ABHD6: variants seen among roughly 807,000 people sequenced by gnomAD.
ABHD6 encodes monoacylglycerol lipase ABHD6.
A neutral mutation model predicts 38.8 loss-of-function variants in ABHD6; 33 were observed. The ratio of observed to expected loss-of-function variants is 0.85; its 90% CI spans 0.64 to 1.14. The LOEUF (loss-of-function observed/expected upper bound fraction) is 1.14. ABHD6 is among the 50% of genes most tolerant of loss of function. The pLI is 0.00. For missense variants in ABHD6, 380 were observed against 422.6 expected, an observed-to-expected ratio of 0.90 and a Z score of 0.88; for synonymous variants, 147 against 161.6, an observed-to-expected ratio of 0.91 and a Z score of 0.69.
At chr3:58,289,256 T>C (rs1163668790) in intron 9 of ABHD6, among the ~76,000 whole-genome samples, 1 of 151,936 alleles carries the variant, frequency 6.6e-6, no homozygotes, top group East Asian at 1.9e-4. Flanking sequence ...TTTTTTTTAT[T>C]GATCATTCTT....
Position 58,267,428 on chromosome 3 carries a change from C to A in ABHD6, c.276+83C>A. Reference sequence around the variant, plus strand: ...GCCTATAATCCCAGCACTTTGGGAGCCTGAGGCAGGAGGATTGCTTGAGTC... The same window carrying A: ...GCCTATAATCCCAGCACTTTGGGAGACTGAGGCAGGAGGATTGCTTGAGTC... On this transcript the variant is annotated intron_variant, in intron 4 of 9. Transcript: ENST00000478253. The surrounding 1 kb of genome is among the most constrained non-coding windows in gnomAD (Gnocchi z 4.3). 6.5e-7 allele frequency: 1 copy of A among 1,533,652 alleles called. No homozygotes were observed. The highest frequency in any genetic ancestry group is 8.9e-7 in the Non-Finnish European group (1 of 1,121,788).
chr3:58,291,002 G>C (rs1319403478), intron 9 of ABHD6, among the ~76,000 whole-genome samples: 2 of 151,618 alleles, frequency 1.3e-5, no homozygotes, highest in Admixed American at 6.6e-5. Flanking sequence ...GCTGCACTCT[G>C]GGCACTTTGG....
intron 1 of ABHD6, among the ~76,000 whole-genome samples, chr3:58,246,637 G>T (rs990295793): frequency 6.6e-6 from 1 of 152,208 alleles, no homozygotes; most frequent in South Asian, 2.1e-4. Flanking sequence ...TGAGGAACCA[G>T]TTGTCAGAGT....
chr3:58,250,834 A>G (rs1247415440), intron 2 of ABHD6, among the ~76,000 whole-genome samples: 1 of 151,998 alleles, frequency 6.6e-6, no homozygotes, highest in Non-Finnish European at 1.5e-5. Context: ...TGAAGTTTGA[A>G]TTTTCTTTGG....
chr3:58,247,799 T>C (rs1278906492), intron 1 of ABHD6, among the ~76,000 whole-genome samples: 1 of 152,216 alleles, frequency 6.6e-6, no homozygotes, highest in African/African-American at 2.4e-5. Flanking sequence ...GGTCTCGAAC[T>C]ACTGGCCTCA....
At position 58,266,391 on chromosome 3, in the gene ABHD6, C is replaced by T. The variant is rs1305020739; in HGVS notation, c.120-798C>T. On this transcript the variant is annotated intron_variant, in intron 3 of 9. Coordinates refer to ENST00000478253, the MANE Select transcript of ABHD6 (RefSeq NM_001320126.2). The surrounding 1 kb of genome is among the most constrained non-coding windows in gnomAD (Gnocchi z 4.0). ...CCCGGGAGGTGGAGGTTGCAGTGAG[C>T]GGAAATTGCCCCAGCGTGGGTGACA... Among the ~76,000 whole-genome samples, 4 of 148,916 alleles carry T rather than the reference C, an allele frequency of 2.7e-5. No individual in the cohort carries two copies. The highest frequency in any genetic ancestry group is 2.1e-4 in the South Asian group (1 of 4,758).
chr3:58,246,363 G>A (rs1241917496), intron 1 of ABHD6, among the ~76,000 whole-genome samples: 1 of 152,180 alleles, frequency 6.6e-6, no homozygotes, highest in Non-Finnish European at 1.5e-5. Context: ...TTGCTTCTTG[G>A]CCAGCATGAT....
intron 2 of ABHD6, among the ~76,000 whole-genome samples, chr3:58,255,043 A>G (rs576031641): frequency 6.6e-6 from 1 of 152,142 alleles, no homozygotes; most frequent in Non-Finnish European, 1.5e-5. Flanking sequence ...TCTATGCTAG[A>G]ATGAACTGTA....
intron 2 of ABHD6, among the ~76,000 whole-genome samples, chr3:58,250,163 A>C (rs545958612): frequency 2.0e-5 from 3 of 152,278 alleles, no homozygotes; most frequent in Non-Finnish European, 4.4e-5. Context: ...CTGAAAGACT[A>C]TGTGGGGGAA....
intron 1 of ABHD6, among the ~76,000 whole-genome samples, chr3:58,242,370 A>T (rs78596311): frequency 1.8e-3 from 272 of 152,330 alleles, no homozygotes; most frequent in African/African-American, 6.2e-3. Context: ...TCTAGGACCC[A>T]GCTGCCCATC....
intron 3 of ABHD6, chr3:58,258,285 C>G (rs906406258): frequency 3.0e-5 from 11 of 364,050 alleles, no homozygotes; most frequent in African/African-American, 1.9e-4. Flanking sequence ...CCAGCCTGGG[C>G]AACAAGAGCA....
chr3:58,248,735 G>A (rs1356046073), intron 1 of ABHD6, among the ~76,000 whole-genome samples: 1 of 152,204 alleles, frequency 6.6e-6, no homozygotes, highest in Non-Finnish European at 1.5e-5. Context: ...ATTAGGTCAA[G>A]GATATGTGCA....
intron 2 of ABHD6, among the ~76,000 whole-genome samples, chr3:58,250,420 A>G (rs2097429158): frequency 6.6e-6 from 1 of 152,108 alleles, no homozygotes; most frequent in Non-Finnish European, 1.5e-5. Flanking sequence ...TTGAGCTGGG[A>G]CTACATGGGG....
chr3:58,264,416 C>G lies in ABHD6; in HGVS notation c.120-2773C>G, dbSNP rs949790801. On this transcript the variant is annotated intron_variant, in intron 3 of 9. Transcript: ENST00000478253. ...ACACACACACACACACACACACACA[C>G]ACACACACACACACACACACACACA... is the stretch of plus-strand genomic sequence containing the variant. Among the ~76,000 whole-genome samples, 5 of 141,154 alleles carry G rather than the reference C, an allele frequency of 3.5e-5. No homozygotes were observed. The South Asian group carries it at 1.1e-3, about 31-fold the overall frequency. The allele number at this position is 141,154 out of a possible 152,430, so 92.6% of individuals were successfully genotyped here. A position where few individuals can be genotyped will look rare whatever the true frequency, so the allele number is the denominator to read the frequency against.
chr3:58,252,249 T>TTTTTTG (rs2097430528), intron 2 of ABHD6, among the ~76,000 whole-genome samples: 1 of 148,542 alleles, frequency 6.7e-6, no homozygotes, highest in Non-Finnish European at 1.5e-5. Context: ...TTTTTTTTTT[T>TTTTTTG]TTTGGAACAG....
chr3:58,271,734 A>AT (rs1450510352), intron 6 of ABHD6, among the ~76,000 whole-genome samples: 5 of 95,176 alleles, frequency 5.3e-5, no homozygotes, highest in East Asian at 3.7e-4. Context: ...TAAAAATCAT[A>AT]TTTTTTCTCT....
intron 7 of ABHD6, 122 bp from the exon 8 acceptor site, chr3:58,284,963 C>CTAAAGACCTTGACAGTGCAATT: frequency 1.2e-6 from 1 of 863,084 alleles, no homozygotes; most frequent in Non-Finnish European, 1.9e-6. Flanking sequence ...GGACCAGGCT[C>CTAAAGACCTTGACAGTGCAATT]TAAAGACCTT....
chr3:58,254,866 ACAC>A (rs2097432253), intron 2 of ABHD6, among the ~76,000 whole-genome samples: 1 of 150,782 alleles, frequency 6.6e-6, no homozygotes, highest in African/African-American at 2.4e-5. Context: ...ACACACACAC[ACAC>A]ACACACACAC....
Position 58,269,334 on chromosome 3 carries a change from A to T in ABHD6, c.290A>T (p.Asn97Ile). ...GTGTGTCCTCAGTTCCTTCCAAAGA[A>T]CCTGCACTTGGTCTGCGTGGACATG... ...WLSVVKFLPK[N>I]LHLVCVDMPG... The change falls in exon 5 of 10, where the codon AAC (asparagine) becomes ATC (isoleucine). Residue 97 changes from asparagine to isoleucine, a missense_variant. Transcript: ENST00000478253. The surrounding 1 kb of genome is among the most constrained non-coding windows in gnomAD (Gnocchi z 4.4). 1 of 1,613,676 alleles carries T rather than the reference A, an allele frequency of 6.2e-7. No individual in the cohort carries two copies. Among genetic ancestry groups the T allele is most frequent in the Non-Finnish European group, 8.5e-7 (1 of 1,179,776 alleles).
Sources: gnomAD v4.1 joint callset for allele counts (sites outside exome capture counted in the v4.1 genomes callset) on GRCh38, gnomAD v4.1.1 for gene constraint, Gnocchi (gnomAD v3.1) non-coding constraint, MANE v1.5 for transcripts, NCBI Gene and HGNC (gene_info 2026-07-23, HGNC 2026-07-21) for gene names.